The following IP6K1 variants were observed in gnomAD, a reference collection of about 807,000 sequenced individuals.
The protein encoded by IP6K1 is ATP:1D-myo-inositol-hexakisphosphate phosphotransferase.
A neutral mutation model predicts 38.3 loss-of-function variants in IP6K1; 13 were observed. The observed-to-expected ratio is 0.34, with a 90% CI of 0.22 to 0.54. IP6K1 has a LOEUF of 0.54. Among genes scored for constraint, IP6K1 ranks in the 20% least tolerant of loss-of-function variants. IP6K1 has a pLI of 0.92. For synonymous variants in IP6K1, 212 were observed against 229.9 expected (o/e 0.92, Z 0.70); for missense variants, 397 against 599.8 (o/e 0.66, Z 3.53).
Position 49,780,817 on chromosome 3 carries a change from A to G in IP6K1, c.-129+5537T>C, listed in dbSNP as rs550153692. Among the ~76,000 whole-genome samples the G allele has an allele frequency of 3.9e-5, 6 of 152,336 alleles. No individual in the cohort carries two copies. In the East Asian group the frequency reaches 1.2e-3, roughly 29 times the overall value. On this transcript the variant is annotated intron_variant, in intron 1 of 5. Transcript: ENST00000321599. Reference sequence around the variant, plus strand: ...ATAAAGCACTAGAGTTAACATATGCAAGCACTTCAAGGCAAGGCAGGGTGG... The same window carrying G: ...ATAAAGCACTAGAGTTAACATATGCGAGCACTTCAAGGCAAGGCAGGGTGG...
At chr3:49,782,476 TCTA>T (rs2081074092) in intron 1 of IP6K1, among the ~76,000 whole-genome samples, 1 of 151,104 alleles carries the variant, frequency 6.6e-6, no homozygotes, top group Admixed American at 6.6e-5. Flanking sequence ...GCCTGGAGGG[TCTA>T]CTATTATAAC....
chr3:49,731,203 A>G (rs968844939), intron 4 of IP6K1, among the ~76,000 whole-genome samples: 2 of 152,046 alleles, frequency 1.3e-5, no homozygotes, highest in African/African-American at 4.8e-5. Flanking sequence ...CTTCATTCCA[A>G]TATATCCTAT....
At chr3:49,784,515 C>T (rs750650649) in intron 1 of IP6K1, among the ~76,000 whole-genome samples, 10 of 151,852 alleles carry the variant, frequency 6.6e-5, no homozygotes, top group Non-Finnish European at 1.2e-4. Context: ...CATGGTGGCA[C>T]GCACCTGTAA....
chr3:49,776,671 T>G (rs2081011390), intron 1 of IP6K1, among the ~76,000 whole-genome samples: 1 of 152,192 alleles, frequency 6.6e-6, no homozygotes, highest in Non-Finnish European at 1.5e-5. Flanking sequence ...TTTTTGTCAC[T>G]CTGTGCACAT....
chr3:49,773,744 T>C (rs1208455667), intron 1 of IP6K1, among the ~76,000 whole-genome samples: 6 of 152,206 alleles, frequency 3.9e-5, no homozygotes, highest in Non-Finnish European at 5.9e-5. Flanking sequence ...TGCTGCACTG[T>C]CTCCAGGTAA....
chr3:49,781,524 G>A (rs561859795), intron 1 of IP6K1, among the ~76,000 whole-genome samples: 1 of 152,148 alleles, frequency 6.6e-6, no homozygotes, highest in South Asian at 2.1e-4. Context: ...TATGGACAAG[G>A]GAAAAGCTGA....
At chr3:49,756,521 A>G (rs1054938558) in intron 1 of IP6K1, among the ~76,000 whole-genome samples, 7 of 152,158 alleles carry the variant, frequency 4.6e-5, no homozygotes, top group African/African-American at 1.4e-4. Context: ...GAAATGCACA[A>G]AAAGAAAGGA....
intron 1 of IP6K1, among the ~76,000 whole-genome samples, chr3:49,759,367 C>CATTG (rs1460777445): frequency 6.6e-6 from 1 of 152,196 alleles, no homozygotes; most frequent in East Asian, 1.9e-4. Context: ...AAATACAACT[C>CATTG]CAATGAGTTT....
intron 1 of IP6K1, among the ~76,000 whole-genome samples, chr3:49,763,034 C>A (rs2080880380): frequency 6.6e-6 from 1 of 151,904 alleles, no homozygotes; most frequent in South Asian, 2.1e-4. Context: ...AAGTGATCCA[C>A]CTGCCTCAGC....
chr3:49,745,676 G>A (rs1267716432), intron 2 of IP6K1, among the ~76,000 whole-genome samples: 2 of 152,114 alleles, frequency 1.3e-5, no homozygotes, highest in Non-Finnish European at 2.9e-5. Flanking sequence ...CCAACATGGT[G>A]AAACCCCATC....
chr3:49,771,716 G>C (rs545716921), intron 1 of IP6K1, among the ~76,000 whole-genome samples: 1 of 152,250 alleles, frequency 6.6e-6, no homozygotes, highest in African/African-American at 2.4e-5. Flanking sequence ...AAATGAATGT[G>C]TATGTCCACA....
intron 4 of IP6K1, chr3:49,728,502 G>T: frequency 1.9e-6 from 1 of 514,200 alleles, no homozygotes; most frequent in Non-Finnish European, 3.4e-6. Context: ...GTACAATTCA[G>T]TGGCATGAAG....
chr3:49,776,552 T>C (rs868717047), intron 1 of IP6K1, among the ~76,000 whole-genome samples: 1 of 151,074 alleles, frequency 6.6e-6, no homozygotes, highest in Non-Finnish European at 1.5e-5. Context: ...CAAAAAACCA[T>C]GGTACTAAAT....
chr3:49,758,314 CAAAAAAAAAAA>C (rs11359274), intron 1 of IP6K1, among the ~76,000 whole-genome samples: 2 of 54,404 alleles, frequency 3.7e-5, no homozygotes, highest in Non-Finnish European at 6.6e-5. Flanking sequence ...GACTCCATCT[CAAAAAAAAAAA>C]AAAAAAAAAA....
chr3:49,764,648 G>A (rs139776038), intron 1 of IP6K1, among the ~76,000 whole-genome samples: 2 of 152,186 alleles, frequency 1.3e-5, no homozygotes, highest in Non-Finnish European at 2.9e-5. Context: ...GGAGGCCAAG[G>A]CAAGCAGATC....
chr3:49,726,372 A>G lies in IP6K1; in HGVS notation c.*750T>C, dbSNP rs978716803. The G allele has an allele frequency of 5.2e-5, 8 of 152,738 alleles. No individual in the cohort carries two copies. The highest frequency in any genetic ancestry group is 1.9e-4 in the African/African-American group (8 of 41,468). The allele number at this position is 152,738 out of a possible 1,614,324, so 9.5% of individuals were successfully genotyped here. A position where few individuals can be genotyped will look rare whatever the true frequency, so the allele number is the denominator to read the frequency against. ...ACCAGAGGCCCTGAGGCCTGCTAGG[A>G]CACCGACTATCCCCCACTTCAGTGG... On this transcript the variant is annotated 3_prime_UTR_variant, in exon 6 of 6. Coordinates refer to ENST00000321599, the MANE Select transcript of IP6K1 (RefSeq NM_153273.4).
At chr3:49,738,847 G>T (rs1383580142) in intron 2 of IP6K1, among the ~76,000 whole-genome samples, 2 of 151,996 alleles carry the variant, frequency 1.3e-5, no homozygotes, top group African/African-American at 2.4e-5. Flanking sequence ...TCAGCCAAAG[G>T]GACATCAACA....
chr3:49,757,302 G>A (rs1171406556), intron 1 of IP6K1, among the ~76,000 whole-genome samples: 3 of 152,170 alleles, frequency 2.0e-5, no homozygotes, highest in Non-Finnish European at 2.9e-5. Context: ...AACTGAAAAC[G>A]TTAAGCACAG....
intron 1 of IP6K1, among the ~76,000 whole-genome samples, chr3:49,749,115 A>G (rs552234907): frequency 1.1e-4 from 17 of 152,360 alleles, no homozygotes; most frequent in Non-Finnish European, 2.4e-4. Flanking sequence ...CTGTAAATAC[A>G]GATGAAGCTT....
Sources: gnomAD v4.1 joint callset for allele counts (sites outside exome capture counted in the v4.1 genomes callset) on GRCh38, gnomAD v4.1.1 for gene constraint, MANE v1.5 for transcripts, NCBI Gene and HGNC (gene_info 2026-07-23, HGNC 2026-07-21) for gene names.